TMEFF2: variants seen among roughly 807,000 people sequenced by gnomAD.
The protein encoded by TMEFF2 is tomoregulin-2.
A neutral mutation model predicts 53.8 loss-of-function variants in TMEFF2; 28 were observed. The observed-to-expected ratio is 0.52, with a 90% confidence interval of 0.39 to 0.71. The LOEUF (loss-of-function observed/expected upper bound fraction) is 0.71, where lower values mean the gene tolerates loss of function less well. Ranked by LOEUF, TMEFF2 falls within the 30% of genes least tolerant of loss-of-function variation. TMEFF2 has a pLI of 0.00. For missense variants in TMEFF2, 353 were observed against 455.2 expected (o/e 0.78, Z 2.04); for synonymous variants, 162 against 166.3 (o/e 0.97, Z 0.20).
At chr2:191,987,674 A>G (rs1686012060) in intron 7 of TMEFF2, among the ~76,000 whole-genome samples, 1 of 152,200 alleles carries the variant, frequency 6.6e-6, no homozygotes, top group African/African-American at 2.4e-5. Flanking sequence ...TGAGAAGCTA[A>G]GTAACTAAAT....
chr2:192,170,691 G>A (rs78648552), intron 4 of TMEFF2, among the ~76,000 whole-genome samples: 4,359 of 152,034 alleles, frequency 0.029, 188 homozygotes, highest in African/African-American at 0.099. Flanking sequence ...GGAAGCACCA[G>A]GCCAACATTA....
At chr2:191,956,818 G>A (rs746067370) in intron 7 of TMEFF2, among the ~76,000 whole-genome samples, 3 of 152,148 alleles carry the variant, frequency 2.0e-5, no homozygotes, top group Admixed American at 6.5e-5. Flanking sequence ...AAATATGGCC[G>A]TGTTCAATTG....
intron 7 of TMEFF2, among the ~76,000 whole-genome samples, chr2:191,968,096 T>G (rs775059774): frequency 6.6e-6 from 1 of 152,218 alleles, no homozygotes; most frequent in African/African-American, 2.4e-5. Context: ...ATGACTCTGT[T>G]GTATAACTAA....
chr2:192,104,222 G>C (rs1440124726), intron 4 of TMEFF2, among the ~76,000 whole-genome samples: 1 of 152,110 alleles, frequency 6.6e-6, no homozygotes, highest in Non-Finnish European at 1.5e-5. Context: ...AGGATTTGCT[G>C]ACAGAAGTAG....
intron 3 of TMEFF2, among the ~76,000 whole-genome samples, chr2:192,183,486 C>T (rs560324013): frequency 2.5e-4 from 38 of 152,072 alleles, no homozygotes; most frequent in African/African-American, 8.2e-4. Flanking sequence ...TAATTGATGA[C>T]GTTGTTATTA....
At chr2:192,007,874 C>T (rs867721615) in intron 5 of TMEFF2, among the ~76,000 whole-genome samples, 1 of 152,248 alleles carries the variant, frequency 6.6e-6, no homozygotes, top group Middle Eastern at 3.4e-3. Flanking sequence ...TTTGGTGGCT[C>T]GCTACTTAAG....
chr2:192,130,210 AAAAAT>A (rs1689782075), intron 4 of TMEFF2, among the ~76,000 whole-genome samples: 1 of 146,468 alleles, frequency 6.8e-6, no homozygotes, highest in African/African-American at 2.7e-5. Context: ...AACTAAAGAA[AAAAAT>A]AAAAGTAAGA....
intron 5 of TMEFF2, among the ~76,000 whole-genome samples, chr2:192,057,476 G>A (rs889224512): frequency 5.3e-5 from 8 of 152,046 alleles, no homozygotes; most frequent in African/African-American, 1.9e-4. Flanking sequence ...GCCTTATCAA[G>A]TAATGCCATG....
At position 192,117,671 on chromosome 2, in the gene TMEFF2, C is replaced by T. The variant is rs116515379; in HGVS notation, c.440-59896G>A. On this transcript the variant is annotated intron_variant, in intron 4 of 9. Coordinates refer to ENST00000272771, the MANE Select transcript of TMEFF2 (RefSeq NM_016192.4). ...TGACTCTTTTTCCACCTCCCCACCC[C>T]CCACTTTTCTGCATGGCAGATGAAA... is the stretch of plus-strand genomic sequence containing the variant. 8.0e-3 allele frequency among the ~76,000 whole-genome samples: 1,215 copies of T among 152,116 alleles called. 12 individuals carry two copies. Among genetic ancestry groups the T allele is most frequent in the Non-Finnish European group, 9.7e-3 (657 of 67,994 alleles).
intron 5 of TMEFF2, among the ~76,000 whole-genome samples, chr2:192,050,989 A>G (rs1687756442): frequency 6.6e-6 from 1 of 152,142 alleles, no homozygotes; most frequent in African/African-American, 2.4e-5. Flanking sequence ...GGCAAATGGA[A>G]TCATTAAAGG....
At chr2:192,116,630 T>C (rs1441918731) in intron 4 of TMEFF2, among the ~76,000 whole-genome samples, 2 of 152,104 alleles carry the variant, frequency 1.3e-5, no homozygotes, top group Admixed American at 1.3e-4. Context: ...GTTCAAGTTG[T>C]TAACAATCTG....
chr2:192,038,970 A>G (rs962723476), intron 5 of TMEFF2, among the ~76,000 whole-genome samples: 4 of 152,234 alleles, frequency 2.6e-5, no homozygotes, highest in Non-Finnish European at 4.4e-5. Context: ...ATTTAAAAAA[A>G]TGCAAGCCTA....
At chr2:192,058,436 A>G (rs1465023875) in intron 4 of TMEFF2, among the ~76,000 whole-genome samples, 1 of 152,190 alleles carries the variant, frequency 6.6e-6, no homozygotes, top group African/African-American at 2.4e-5. Context: ...ATTTTAAAAA[A>G]ATACATTGAG....
chr2:192,133,575 T>C (rs1238198437), intron 4 of TMEFF2, among the ~76,000 whole-genome samples: 3 of 152,226 alleles, frequency 2.0e-5, no homozygotes, highest in African/African-American at 7.2e-5. Context: ...AACTAAATTG[T>C]TTTGCCTATC....
At chr2:191,952,302 C>T (rs145116567) in intron 9 of TMEFF2, among the ~76,000 whole-genome samples, 46 of 152,266 alleles carry the variant, frequency 3.0e-4, no homozygotes, top group African/African-American at 9.9e-4. Context: ...TGATTCATAA[C>T]AGAATTGAAA....
rs1295518264 is a variant in TMEFF2 at position 192,194,517 on chromosome 2, A to G, written c.8T>C (p.Leu3Pro). The stretch of plus-strand genomic sequence containing the variant: ...GCTGCACTGCCGCGGGGACTCCCAC[A>G]GCACCATGACTAGTTCGTGCAACTC... MV[L>P]WESPRQCSSW... The change falls in exon 1 of 10, where the codon CTG (leucine) becomes CCG (proline). Residue 3 changes from leucine to proline, a missense_variant. Physicochemically the swap from Leu to Pro is moderately conservative, Grantham distance 98 (BLOSUM62 -3). Coordinates refer to ENST00000272771, the MANE Select transcript of TMEFF2 (RefSeq NM_016192.4). This position sits in a 1 kb window ranked among gnomAD's most constrained non-coding sequence, Gnocchi z 4.2. The G allele has an allele frequency of 6.2e-7, 1 of 1,613,252 alleles. No homozygotes were observed. The highest frequency in any genetic ancestry group is 8.5e-7 in the Non-Finnish European group (1 of 1,179,934).
rs759037729 is a variant in TMEFF2 at position 191,998,312 on chromosome 2, GTTGTGT to G, written c.689_694del (p.Asn230_Thr231del). On this transcript the variant is annotated inframe_deletion, in exon 7 of 10. Transcript: ENST00000272771. ...CCCATCTTCAGACTTAGTAGTTGTA[GTTGTGT>G]TATCTGTGTTAAAAAATTAACAATA... 2.5e-6 allele frequency: 4 copies of G among 1,597,488 alleles called. No homozygotes were observed. The South Asian group carries it at 4.5e-5, about 18-fold the overall frequency.
At position 191,949,708 on chromosome 2, in the gene TMEFF2, A is replaced by C. The variant is rs375948559; in HGVS notation, c.*603T>G. ...CTCCCCTTCTTCTTTTATTTAGTTT[A>C]TATGCCAGAGATTTTTCTGCTCTAG... On this transcript the variant is annotated 3_prime_UTR_variant, in exon 10 of 10. Coordinates refer to ENST00000272771, the MANE Select transcript of TMEFF2 (RefSeq NM_016192.4). 5 of 985,418 alleles carry C rather than the reference A, an allele frequency of 5.1e-6. No individual in the cohort carries two copies. Among genetic ancestry groups the C allele is most frequent in the South Asian group, 4.7e-5 (1 of 21,294 alleles). The allele number at this position is 985,418 out of a possible 1,614,324, so 61.0% of individuals were successfully genotyped here. A position where few individuals can be genotyped will look rare whatever the true frequency, so the allele number is the denominator to read the frequency against.
chr2:192,098,728 G>A (rs1381632579), intron 4 of TMEFF2, among the ~76,000 whole-genome samples: 1 of 152,168 alleles, frequency 6.6e-6, no homozygotes, highest in Non-Finnish European at 1.5e-5. Context: ...GGGTAAAATG[G>A]TACCTCCAGG....
Sources: allele counts gnomAD v4.1 joint callset (sites outside exome capture counted in the v4.1 genomes callset), GRCh38; gene constraint gnomAD v4.1.1; non-coding constraint Gnocchi (gnomAD v3.1); transcripts MANE v1.5; gene names NCBI Gene and HGNC (gene_info 2026-07-23, HGNC 2026-07-21).